The following ZNF608 variants were observed in gnomAD, a reference collection of about 807,000 sequenced individuals.
The protein encoded by ZNF608 is renal carcinoma antigen NY-REN-36.
Under a neutral mutation model 109.0 loss-of-function variants are expected in ZNF608, and 12 were observed. The ratio of observed to expected loss-of-function variants is 0.11; its 90% CI spans 0.07 to 0.18. ZNF608 has a LOEUF of 0.18. ZNF608 is among the 10% of genes least tolerant of loss of function. The pLI is 1.00. For missense variants in ZNF608, 1,707 were observed against 1,879.3 expected, an observed-to-expected ratio of 0.91 and a Z score of 1.70; for synonymous variants, 732 against 717.4, an observed-to-expected ratio of 1.02 and a Z score of -0.33.
At chr5:124,690,954 C>CACACACACACAA (rs10666145) in intron 3 of ZNF608, among the ~76,000 whole-genome samples, 1,811 of 150,808 alleles carry the variant, frequency 0.012, 18 homozygotes, top group Admixed American at 0.022. Flanking sequence ...CACACACACA[C>CACACACACACAA]ATAATGGAAA....
intron 2 of ZNF608, among the ~76,000 whole-genome samples, chr5:124,721,984 C>CAAATCAT (rs1554091868): frequency 2.5e-4 from 26 of 104,566 alleles, no homozygotes; most frequent in Middle Eastern, 0.012. Flanking sequence ...AACTCAAAGC[C>CAAATCAT]AAATCATCAA....
chr5:124,641,462 G>A, intron 7 of ZNF608, 57 bp from the exon 8 acceptor site: 1 of 1,530,316 alleles, frequency 6.5e-7, no homozygotes, highest in Non-Finnish European at 8.8e-7. Context: ...ACTTTTAAGA[G>A]TACTAAACCA....
chr5:124,733,346 C>T (rs1201846446), intron 2 of ZNF608, among the ~76,000 whole-genome samples: 1 of 151,524 alleles, frequency 6.6e-6, no homozygotes. Context: ...AAACTATGCA[C>T]CATCAACAAA....
chr5:124,651,872 G>C (rs925956188), intron 3 of ZNF608, among the ~76,000 whole-genome samples: 82 of 152,364 alleles, frequency 5.4e-4, no homozygotes, highest in African/African-American at 1.8e-3. Flanking sequence ...CTGGCCGTGC[G>C]GGGCTAGAGG....
chr5:124,711,290 A>C (rs11241765), intron 2 of ZNF608, among the ~76,000 whole-genome samples: 98,408 of 152,208 alleles, frequency 0.65, 33,173 homozygotes, highest in African/African-American at 0.84. Context: ...GAAATTTTAT[A>C]CATATAGAAA....
In ZNF608 at chr5:124,746,209, T is replaced by G; in HGVS notation, c.-198A>C. On this transcript the variant is annotated 5_prime_UTR_variant, in exon 1 of 10. Coordinates refer to ENST00000513986, the MANE Select transcript of ZNF608 (RefSeq NM_020747.3). ...ACATTGCTTACCTTTTAATCCTTTATCATTTTTTAATTAGGCCAGCAAATC... is the reference window on the plus strand; with the variant it reads ...ACATTGCTTACCTTTTAATCCTTTAGCATTTTTTAATTAGGCCAGCAAATC... The G allele has an allele frequency of 1.0e-6, 1 of 985,428 alleles. No individual in the cohort carries two copies. The highest frequency in any genetic ancestry group is 4.7e-5 in the South Asian group (1 of 21,286). 61.0% of individuals were successfully genotyped at this position (985,428 alleles called of 1,614,324 possible). A position where few individuals can be genotyped will look rare whatever the true frequency, so the allele number is the denominator to read the frequency against.
chr5:124,674,979 A>C (rs1431702251), intron 3 of ZNF608, among the ~76,000 whole-genome samples: 1 of 152,230 alleles, frequency 6.6e-6, no homozygotes, highest in Non-Finnish European at 1.5e-5. Context: ...AGGTTAATCA[A>C]AAGTATTTAA....
chr5:124,662,871 A>G (rs1751327459), intron 3 of ZNF608, among the ~76,000 whole-genome samples: 1 of 152,174 alleles, frequency 6.6e-6, no homozygotes, highest in Non-Finnish European at 1.5e-5. Flanking sequence ...TGTACTCGCC[A>G]CAGTCCCTGA....
intron 2 of ZNF608, among the ~76,000 whole-genome samples, chr5:124,721,839 G>A (rs1753916769): frequency 6.7e-6 from 1 of 148,896 alleles, no homozygotes; most frequent in Non-Finnish European, 1.5e-5. Flanking sequence ...TCGGAAGGAA[G>A]GCTGTAGCAG....
At chr5:124,683,240 T>C (rs529113221) in intron 3 of ZNF608, among the ~76,000 whole-genome samples, 18 of 152,320 alleles carry the variant, frequency 1.2e-4, no homozygotes, top group Non-Finnish European at 2.2e-4. Context: ...TACAGCCTGA[T>C]TGAAACCTTC....
At chr5:124,644,861 T>C (rs1165658795) in intron 5 of ZNF608, among the ~76,000 whole-genome samples, 200 bp from the exon 6 acceptor site, 1 of 152,202 alleles carries the variant, frequency 6.6e-6, no homozygotes, top group Non-Finnish European at 1.5e-5. Flanking sequence ...GTAGGCATTA[T>C]TACTGATCCC....
intron 3 of ZNF608, among the ~76,000 whole-genome samples, chr5:124,686,565 T>C (rs1444133053): frequency 6.6e-6 from 1 of 152,234 alleles, no homozygotes; most frequent in Non-Finnish European, 1.5e-5. Flanking sequence ...ATGTGCACTG[T>C]GTGCACTGTC....
intron 3 of ZNF608, among the ~76,000 whole-genome samples, chr5:124,668,662 C>T (rs1441148500): frequency 6.6e-6 from 1 of 152,202 alleles, no homozygotes; most frequent in Non-Finnish European, 1.5e-5. Flanking sequence ...TGGCTCTCAG[C>T]ACTTCTCCAG....
At chr5:124,742,426 A>G (rs955515695) in intron 2 of ZNF608, among the ~76,000 whole-genome samples, 1 of 152,254 alleles carries the variant, frequency 6.6e-6, no homozygotes, top group African/African-American at 2.4e-5. Context: ...CATTGTGAGC[A>G]CTGGATTAGG....
Position 124,746,521 on chromosome 5 carries a change from CAG to C in ZNF608, c.-512_-511del, listed in dbSNP as rs1465051513. 2.8e-5 allele frequency: 28 copies of C among 984,972 alleles called. No homozygotes were observed. Among genetic ancestry groups the C allele is most frequent in the South Asian group, 4.7e-5 (1 of 21,282 alleles). 61.0% of individuals were successfully genotyped at this position (984,972 alleles called of 1,614,324 possible). A position where few individuals can be genotyped will look rare whatever the true frequency, so the allele number is the denominator to read the frequency against. The stretch of plus-strand genomic sequence containing the variant: ...TCGAGAATAATAGTTTTTTAAAAAA[CAG>C]AGAGTTTAGAGAAAAAAGTTTTCCC... On this transcript the variant is annotated 5_prime_UTR_variant, in exon 1 of 10. Coordinates refer to ENST00000513986, the MANE Select transcript of ZNF608 (RefSeq NM_020747.3).
intron 3 of ZNF608, among the ~76,000 whole-genome samples, chr5:124,681,986 G>C (rs1395433300): frequency 1.3e-5 from 2 of 152,170 alleles, no homozygotes; most frequent in African/African-American, 2.4e-5. Context: ...TATCAATCAA[G>C]CATGAGGGTA....
At chr5:124,677,630 G>A (rs116022579) in intron 3 of ZNF608, among the ~76,000 whole-genome samples, 2 of 151,940 alleles carry the variant, frequency 1.3e-5, no homozygotes, top group Non-Finnish European at 2.9e-5. Context: ...ACTATTTCAG[G>A]TCTGCTCTCC....
At chr5:124,714,486 T>C (rs559945891) in intron 2 of ZNF608, among the ~76,000 whole-genome samples, 3 of 152,294 alleles carry the variant, frequency 2.0e-5, no homozygotes, top group African/African-American at 2.4e-5. Context: ...CTGGGTAATA[T>C]AGTGTAATAA....
At chr5:124,664,490 T>C (rs978953931) in intron 3 of ZNF608, among the ~76,000 whole-genome samples, 1 of 152,182 alleles carries the variant, frequency 6.6e-6, no homozygotes, top group South Asian at 2.1e-4. Context: ...AAAATAAATA[T>C]TAGGAACATT....
Sources: gnomAD v4.1 joint callset for allele counts (sites outside exome capture counted in the v4.1 genomes callset) on GRCh38, gnomAD v4.1.1 for gene constraint, MANE v1.5 for transcripts, NCBI Gene and HGNC (gene_info 2026-07-23, HGNC 2026-07-21) for gene names.